Variants in MUC4 observed in about 807,000 individuals in gnomAD.
MUC4 encodes the protein mucin-4.
A neutral mutation model predicts 257.9 loss-of-function variants in MUC4; 202 were observed. That is an observed-to-expected ratio of 0.78 (90% confidence interval 0.70 to 0.88). MUC4 has a LOEUF of 0.88. Among genes scored for constraint, MUC4 ranks in the 40% least tolerant of loss-of-function variants. MUC4 has a pLI of 0.00. For missense variants in MUC4, 5,976 were observed against 6,513.7 expected, an observed-to-expected ratio of 0.92 and a Z score of 2.84; for synonymous variants, 2,351 against 2,757.1, an observed-to-expected ratio of 0.85 and a Z score of 4.62.
Position 195,784,017 on chromosome 3 carries a change from T to G in MUC4, c.7563A>C (p.Ala2521=). ...TPLPVTDTPS[A]STGDTTPLPV... is the part of the protein sequence containing the mutation. The stretch of plus-strand genomic sequence containing the variant: ...GAAGAGGGGTGGTGTCACCTGTGGA[T>G]GCTGAGGGAGTGTCGGTGACAGGTA... Residue 2521 remains alanine (A), a synonymous_variant, in exon 2 of 25, where the codon GCA becomes GCC. Transcript: ENST00000463781. 6.6e-7 allele frequency: 1 copy of G among 1,520,154 alleles called. No homozygotes were observed. Among genetic ancestry groups the G allele is most frequent in the Non-Finnish European group, 8.8e-7 (1 of 1,131,568 alleles). 94.2% of individuals were successfully genotyped at this position (1,520,154 alleles called of 1,614,324 possible).
In MUC4 at chr3:195,761,920, G is replaced by A. The variant is rs1205432938; in HGVS notation, c.14512+167C>T. ...GGAGGACAGGAAGGGAGCCTCGGGG[G>A]AGGCTGGAGAAGCCCCTCGGCTCCC... On this transcript the variant is annotated intron_variant, in intron 14 of 24. Coordinates refer to ENST00000463781, the MANE Select transcript of MUC4 (RefSeq NM_018406.7). Among the ~76,000 whole-genome samples the A allele has an allele frequency of 4.6e-5, 7 of 152,198 alleles. No homozygotes were observed. The South Asian group carries it at 6.2e-4, about 13-fold the overall frequency.
Position 195,750,971 on chromosome 3 carries a change from G to A in MUC4, c.15789C>T (p.His5263=), listed in dbSNP as rs199572428. Residue 5263 remains histidine (H), a synonymous_variant, in exon 23 of 25, where the codon CAC becomes CAT. Coordinates refer to ENST00000463781, the MANE Select transcript of MUC4 (RefSeq NM_018406.7). ...LAAVVEAFLY[H]VPRRSEEPRN... ...TGGGCTCCTCACTCCTCCGTGGAAC[G>A]TGGTATAAGAACGCCTCCACCACCG... The A allele has an allele frequency of 1.1e-4, 173 of 1,614,098 alleles. 1 individual carries two copies. In the East Asian group the frequency reaches 3.6e-3, roughly 33 times the overall value.
At position 195,771,685 on chromosome 3, in the gene MUC4, G is replaced by T; in HGVS notation, c.13209C>A (p.Asp4403Glu). 1.2e-6 allele frequency: 2 copies of T among 1,613,932 alleles called. No individual in the cohort carries two copies. The highest frequency in any genetic ancestry group is 1.7e-6 in the Non-Finnish European group (2 of 1,179,850). Residue 4403 changes from aspartate to glutamate, a missense_variant, in exon 5 of 25, where the codon GAC (aspartate) becomes GAA (glutamate). Physicochemically the swap from Asp to Glu is conservative, Grantham distance 45. This residue lies in a region of MUC4 where 996 missense variants were observed against 1,137.3 expected (regional missense o/e 0.88). Transcript: ENST00000463781. Reference protein sequence around the residue: ...ALVAPFWDDADFSTGRGTTFY... With the variant: ...ALVAPFWDDAEFSTGRGTTFY... ...ATGTGGTCCCCCGACCAGTGGAGAA[G>T]TCAGCATCGTCCCAGAACGGAGCCA...
intron 1 of MUC4, among the ~76,000 whole-genome samples, chr3:195,800,582 T>C (rs1735169520): frequency 6.6e-6 from 1 of 152,228 alleles, no homozygotes; most frequent in South Asian, 2.1e-4. Context: ...AAGCCACTCC[T>C]GCAATAGATT....
In MUC4 at chr3:195,770,434, C is replaced by T. The variant is rs1722552980; in HGVS notation, c.13243-63G>A. 5 of 1,593,174 alleles carry T rather than the reference C, an allele frequency of 3.1e-6. No individual in the cohort carries two copies. In the South Asian group the frequency reaches 3.3e-5, roughly 11 times the overall value. On this transcript the variant is annotated intron_variant, in intron 5 of 24. Transcript: ENST00000463781. ...GTCCCACTCCTACACATGGGCCCCC[C>T]ACTTTCTGCCTGAGGACCCTGCCCA...
Position 195,782,544 on chromosome 3 carries a change from G to T in MUC4, c.9036C>A (p.Thr3012=). Residue 3012 remains threonine (T), a synonymous_variant, in exon 2 of 25, where the codon ACC becomes ACA. Transcript: ENST00000463781. The part of the protein sequence containing the change: ...SIGHATSLPV[T]DTSSISTGHA... The stretch of plus-strand genomic sequence containing the variant: ...GACCTGTGGATATTGAGGAAGTGTC[G>T]GTGACAGGAAGAGAGGTGGCGTGAC... 9 of 1,472,808 alleles carry T rather than the reference G, an allele frequency of 6.1e-6. No individual in the cohort carries two copies. The highest frequency in any genetic ancestry group is 8.2e-6 in the Non-Finnish European group (9 of 1,099,690). 91.2% of individuals were successfully genotyped at this position (1,472,808 alleles called of 1,614,324 possible).
chr3:195,792,471 T>C (rs1201220482), intron 1 of MUC4, among the ~76,000 whole-genome samples: 2 of 152,106 alleles, frequency 1.3e-5, no homozygotes, highest in African/African-American at 4.8e-5. Flanking sequence ...TATTAAAAAG[T>C]CAAGAAACAG....
chr3:195,790,688 C>A lies in MUC4; in HGVS notation c.892G>T (p.Val298Leu). The change falls in exon 2 of 25, where the codon GTA (valine) becomes TTA (leucine). Residue 298 changes from valine to leucine, a missense_variant. Around this residue, in one of 44 missense-constraint regions of MUC4, gnomAD observed 1,583 missense variants for 1,257.4 expected, o/e 1.26. Transcript: ENST00000463781. ...SLMPVTSAAL[V>L]TFDPEGQSPA... Reference sequence around the variant, plus strand: ...GATTGTCCTTCTGGATCAAATGTTACTAAGGCTGCTGAGGTGACTGGCATA... The same window carrying A: ...GATTGTCCTTCTGGATCAAATGTTAATAAGGCTGCTGAGGTGACTGGCATA... The A allele has an allele frequency of 1.2e-6, 2 of 1,613,950 alleles. No homozygotes were observed. Among genetic ancestry groups the A allele is most frequent in the Non-Finnish European group, 1.7e-6 (2 of 1,179,892 alleles).
At position 195,761,481 on chromosome 3, in the gene MUC4, C is replaced by T; in HGVS notation, c.14614+3G>A. 1.2e-6 allele frequency: 2 copies of T among 1,612,254 alleles called. No homozygotes were observed. Among genetic ancestry groups the T allele is most frequent in the Middle Eastern group, 3.3e-4 (2 of 6,060 alleles). The stretch of plus-strand genomic sequence containing the variant: ...TCTGCCCCAGGACCCTGCCCAGACT[C>T]ACAGGTCATTCCAAAGTGGAAAAGC... On this transcript the variant is annotated splice_donor_region_variant and intron_variant, in intron 15 of 24. Transcript: ENST00000463781.
At position 195,782,002 on chromosome 3, in the gene MUC4, G is replaced by A. The variant is rs201923229; in HGVS notation, c.9578C>T (p.Ala3193Val). The A allele has an allele frequency of 2.0e-6, 3 of 1,506,922 alleles. No homozygotes were observed. Among genetic ancestry groups the A allele is most frequent in the Admixed American group, 2.1e-5 (1 of 48,358 alleles). 93.3% of individuals were successfully genotyped at this position (1,506,922 alleles called of 1,614,324 possible). Residue 3193 changes from alanine to valine, a missense_variant, in exon 2 of 25, where the codon GCA (alanine) becomes GTA (valine). By Grantham distance (64) the Ala-to-Val change is moderately conservative. Coordinates refer to ENST00000463781, the MANE Select transcript of MUC4 (RefSeq NM_018406.7). ...AAGAGGAGTGGCGTGACCTGTGGAT[G>A]CTGAGGAAGGGCTAGTGACAGGAAG... ...TPLPVTSPSS[A>V]STGHATPLLV...
chr3:195,763,406 G>A, intron 12 of MUC4, 27 bp downstream of exon 12: 1 of 1,404,400 alleles, frequency 7.1e-7, no homozygotes, highest in Non-Finnish European at 9.3e-7. Flanking sequence ...GTGGAATGCA[G>A]GGAGGTTCCC....
Position 195,811,847 on chromosome 3 carries a change from G to A in MUC4, c.-30C>T, listed in dbSNP as rs73085353. 61,007 of 1,609,754 alleles carry A rather than the reference G, an allele frequency of 0.038. 4,513 individuals are homozygous for A. Among genetic ancestry groups the A allele is most frequent in the African/African-American group, 0.31 (23,542 of 74,894 alleles). On this transcript the variant is annotated 5_prime_UTR_variant, in exon 1 of 25. Coordinates refer to ENST00000463781, the MANE Select transcript of MUC4 (RefSeq NM_018406.7). ...GCGGCAAAAGTCCCCCTGGCTCCCT[G>A]GGGAAGCTCCACGGCCCAGCAGCTG...
At position 195,751,267 on chromosome 3, in the gene MUC4, G is replaced by A. The variant is rs537935038; in HGVS notation, c.15587C>T (p.Ala5196Val). The change falls in exon 22 of 25, where the codon GCA becomes GTA. Residue 5196 changes from alanine (A) to valine (V), a missense_variant. Ala to Val is a moderately conservative substitution (Grantham distance 64). Coordinates refer to ENST00000463781, the MANE Select transcript of MUC4 (RefSeq NM_018406.7). ...CATGTCCAGGGTCCCCAGTCTGTATGCCACCTAGGTTAGAGGATGGCAGAT... is the reference window on the plus strand; with the variant it reads ...CATGTCCAGGGTCCCCAGTCTGTATACCACCTAGGTTAGAGGATGGCAGAT... Reference protein sequence around the residue: ...ASMAEVNASVAYRLGTLDMRA... With the variant: ...ASMAEVNASVVYRLGTLDMRA... 2 of 1,605,374 alleles carry A rather than the reference G, an allele frequency of 1.2e-6. No homozygotes were observed. Among genetic ancestry groups the A allele is most frequent in the African/African-American group, 2.7e-5 (2 of 74,906 alleles).
Position 195,810,650 on chromosome 3 carries a change from C to T in MUC4, c.82+1086G>A, listed in dbSNP as rs1274955029. On this transcript the variant is annotated intron_variant, in intron 1 of 24. Transcript: ENST00000463781. The surrounding 1 kb of genome is among the most constrained non-coding windows in gnomAD (Gnocchi z 4.2). ...GTAAGAAGCCCACGGCCAGCACCTC[C>T]CGGCCCTCTGCGCCCTGGCCGCCTC... Among the ~76,000 whole-genome samples the T allele has an allele frequency of 6.6e-6, 1 of 152,172 alleles. No homozygotes were observed. Among genetic ancestry groups the T allele is most frequent in the Non-Finnish European group, 1.5e-5 (1 of 68,018 alleles).
At chr3:195,756,367 G>A (rs1417705846) in intron 18 of MUC4, among the ~76,000 whole-genome samples, 1 of 152,228 alleles carries the variant, frequency 6.6e-6, no homozygotes, top group Non-Finnish European at 1.5e-5. Context: ...CCACACCGCA[G>A]GGCCCTCTGC....
chr3:195,762,424 G>A (rs897103333), intron 13 of MUC4, among the ~76,000 whole-genome samples, 170 bp from the exon 14 acceptor site: 12 of 145,596 alleles, frequency 8.2e-5, no homozygotes, highest in African/African-American at 2.2e-4. Flanking sequence ...CCCGCTCGGG[G>A]GTAGAGGCTG....
intron 5 of MUC4, 27 bp from the exon 6 acceptor site, chr3:195,770,398 A>G (rs768891573): frequency 1.2e-6 from 2 of 1,612,588 alleles, no homozygotes; most frequent in East Asian, 4.5e-5. Context: ...GATGAAAACA[A>G]GCCAACGAGG....
At chr3:195,761,869 C>T (rs766590123) in intron 14 of MUC4, among the ~76,000 whole-genome samples, 1 of 152,142 alleles carries the variant, frequency 6.6e-6, no homozygotes, top group East Asian at 1.9e-4. Flanking sequence ...CCCCGCAGCC[C>T]CCCCTGATGC....
intron 1 of MUC4, among the ~76,000 whole-genome samples, chr3:195,792,179 TATC>T (rs1304199407): frequency 2.0e-5 from 3 of 152,164 alleles, no homozygotes; most frequent in Non-Finnish European, 2.9e-5. Flanking sequence ...CAAAAGAAAC[TATC>T]ATCAGAGCAA....
Sources: gnomAD v4.1 joint callset for allele counts (sites outside exome capture counted in the v4.1 genomes callset) on GRCh38, gnomAD v4.1.1 for gene constraint, gnomAD v4.1.1 regional missense constraint, Gnocchi (gnomAD v3.1) non-coding constraint, MANE v1.5 for transcripts, NCBI Gene and HGNC (gene_info 2026-07-23, HGNC 2026-07-21) for gene names.